The following NRTN variants were observed in gnomAD, a reference collection of about 807,000 sequenced individuals.
The protein encoded by NRTN is neurturin.
Under a neutral mutation model 7.5 loss-of-function variants are expected in NRTN, and 3 were observed. The ratio of observed to expected loss-of-function variants is 0.40; its 90% confidence interval spans 0.18 to 1.03. NRTN has a LOEUF of 1.03. Among genes scored for constraint, NRTN ranks in the 50% least tolerant of loss-of-function variants. The pLI is 0.34. For missense variants in NRTN, 310 were observed against 307.0 expected (o/e 1.01, Z -0.07); for synonymous variants, 157 against 146.6 (o/e 1.07, Z -0.51).
At chr19:5,811,844 C>T (rs1030076759) in intron 1 of NRTN, among the ~76,000 whole-genome samples, 3 of 151,362 alleles carry the variant, frequency 2.0e-5, no homozygotes, top group Non-Finnish European at 4.4e-5. Context: ...AGCCACCGCA[C>T]CCGGCCCAGT....
intron 1 of NRTN, among the ~76,000 whole-genome samples, chr19:5,814,294 G>A (rs542538987): frequency 3.3e-4 from 51 of 152,320 alleles, no homozygotes; most frequent in African/African-American, 1.2e-3. Context: ...CATGGCTGGG[G>A]GTGGCCAAGA....
chr19:5,824,243 C>A lies in NRTN; in HGVS notation c.78C>A (p.Gly26=). Residue 26 remains glycine, a synonymous_variant, in exon 2 of 3, where the codon GGC becomes GGA. Coordinates refer to ENST00000303212, the MANE Select transcript of NRTN (RefSeq NM_004558.5). ...TGTCCATCTGGATGTGTCGAGAGGG[C>A]CTGCTTCTCAGCCACCGCCTCGGAC... The part of the protein sequence containing the change: ...SVLSIWMCRE[G]LLLSHRLGPA... 6.2e-7 allele frequency: 1 copy of A among 1,612,306 alleles called. No homozygotes were observed.
At chr19:5,810,580 G>A (rs2056987062) in intron 1 of NRTN, among the ~76,000 whole-genome samples, 1 of 152,084 alleles carries the variant, frequency 6.6e-6, no homozygotes. Flanking sequence ...CTAAATAATG[G>A]AATAGCCAAC....
rs192855697 is a variant in NRTN at position 5,813,221 on chromosome 19, T to A, written c.-399+7770T>A. On this transcript the variant is annotated intron_variant, in intron 1 of 2. Transcript: ENST00000303212. ...GAGACTTTGTCTCTATTAAAAAAAATTTTTTTTAATTTAAAAAAAAAAACA... is the reference window on the plus strand; with the variant it reads ...GAGACTTTGTCTCTATTAAAAAAAAATTTTTTTAATTTAAAAAAAAAAACA... Among the ~76,000 whole-genome samples, 532 of 150,926 alleles carry A rather than the reference T, an allele frequency of 3.5e-3. 3 individuals carry two copies. Among genetic ancestry groups the A allele is most frequent in the African/African-American group, 0.012 (486 of 41,144 alleles).
intron 1 of NRTN, among the ~76,000 whole-genome samples, chr19:5,814,135 A>G (rs553680882): frequency 8.5e-5 from 13 of 152,266 alleles, no homozygotes; most frequent in Admixed American, 6.5e-4. Context: ...ATCTGCAGCA[A>G]GCTCACCCCT....
At chr19:5,813,761 A>G (rs1468956810) in intron 1 of NRTN, among the ~76,000 whole-genome samples, 1 of 151,732 alleles carries the variant, frequency 6.6e-6, no homozygotes, top group Non-Finnish European at 1.5e-5. Flanking sequence ...AATCGCTTGA[A>G]CTCGGGAGCC....
intron 1 of NRTN, among the ~76,000 whole-genome samples, chr19:5,820,502 G>C (rs1398286514): frequency 1.2e-4 from 18 of 149,770 alleles, no homozygotes; most frequent in African/African-American, 4.4e-4. Context: ...GGAGGCGGAG[G>C]TTGCAGTGAG....
At chr19:5,815,429 T>A (rs939585220) in intron 1 of NRTN, among the ~76,000 whole-genome samples, 2 of 146,088 alleles carry the variant, frequency 1.4e-5, no homozygotes, top group African/African-American at 2.5e-5. Flanking sequence ...TGAGTGTGAT[T>A]TTTTTTTTTT....
Position 5,827,793 on chromosome 19 carries a change from G to A in NRTN, c.214G>A (p.Glu72Lys), listed in dbSNP as rs745382580. Residue 72 changes from glutamate (E) to lysine (K), a missense_variant, in exon 3 of 3, where the codon GAG becomes AAG. By Grantham distance (56) the Glu-to-Lys change is moderately conservative (BLOSUM62 1). Transcript: ENST00000303212. Reference sequence around the variant, plus strand: ...GGCCCCGGATGCGATGGAGCTGCGCGAGCTGACGCCCTGGGCTGGGCGGCC... The same window carrying A: ...GGCCCCGGATGCGATGGAGCTGCGCAAGCTGACGCCCTGGGCTGGGCGGCC... ...QGAPDAMELR[E>K]LTPWAGRPPG... The A allele has an allele frequency of 9.3e-5, 112 of 1,204,688 alleles. No individual in the cohort carries two copies. Among genetic ancestry groups the A allele is most frequent in the Non-Finnish European group, 1.1e-4 (107 of 968,902 alleles). The allele number at this position is 1,204,688 out of a possible 1,614,324, so 74.6% of individuals were successfully genotyped here.
chr19:5,808,486 GCA>G (rs1444438669), intron 1 of NRTN, among the ~76,000 whole-genome samples: 6 of 152,304 alleles, frequency 3.9e-5, no homozygotes, highest in Admixed American at 3.3e-4. Context: ...TAAGAAGCTG[GCA>G]CACACACGCT....
chr19:5,812,370 G>C (rs2056992977), intron 1 of NRTN, among the ~76,000 whole-genome samples: 1 of 152,152 alleles, frequency 6.6e-6, no homozygotes, highest in African/African-American at 2.4e-5. Context: ...AGTTCTAGCA[G>C]TTGGGCAGCA....
intron 1 of NRTN, among the ~76,000 whole-genome samples, chr19:5,816,570 C>G (rs112091285): frequency 0.014 from 2,066 of 151,954 alleles, 46 homozygotes; most frequent in African/African-American, 0.047. Context: ...TTAGTAGAGA[C>G]GGGGTTTCAC....
intron 1 of NRTN, among the ~76,000 whole-genome samples, chr19:5,813,680 G>GA (rs557383692): frequency 0.05 from 5,890 of 117,016 alleles, 325 homozygotes; most frequent in African/African-American, 0.14. Context: ...GACTCCGTCT[G>GA]AAAAAAAAAA....
In NRTN at chr19:5,828,234, G is replaced by A. The variant is rs2057057017; in HGVS notation, c.*61G>A. The A allele has an allele frequency of 2.6e-6, 4 of 1,511,696 alleles. No homozygotes were observed. The highest frequency in any genetic ancestry group is 2.6e-6 in the Non-Finnish European group (3 of 1,133,376). 93.6% of individuals were successfully genotyped at this position (1,511,696 alleles called of 1,614,324 possible). ...CCCGCCTCGACGGCACCACTGGCCG[G>A]CCCCGCGAAAGACTGCGCGTGCGTA... On this transcript the variant is annotated 3_prime_UTR_variant, in exon 3 of 3. Coordinates refer to ENST00000303212, the MANE Select transcript of NRTN (RefSeq NM_004558.5).
At chr19:5,809,648 G>A (rs566474620) in intron 1 of NRTN, among the ~76,000 whole-genome samples, 9 of 152,276 alleles carry the variant, frequency 5.9e-5, no homozygotes, top group South Asian at 2.1e-4. Flanking sequence ...CACAGTAGGC[G>A]CTCAATAAGT....
intron 1 of NRTN, among the ~76,000 whole-genome samples, chr19:5,808,457 G>C (rs2056980278): frequency 6.6e-6 from 1 of 152,176 alleles, no homozygotes; most frequent in Non-Finnish European, 1.5e-5. Context: ...CAGAGGGCCG[G>C]GGCCAGAAAT....
At chr19:5,817,890 C>T (rs2057010998) in intron 1 of NRTN, among the ~76,000 whole-genome samples, 1 of 152,284 alleles carries the variant, frequency 6.6e-6, no homozygotes, top group East Asian at 1.9e-4. Flanking sequence ...ACCTCTGCCT[C>T]CCGGGTTCAA....
intron 1 of NRTN, among the ~76,000 whole-genome samples, chr19:5,820,596 G>C (rs2057020812): frequency 6.7e-6 from 1 of 149,990 alleles, no homozygotes; most frequent in Non-Finnish European, 1.5e-5. Flanking sequence ...AGACATGGTG[G>C]CACATTCGTT....
rs150301024 is a variant in NRTN at position 5,814,163 on chromosome 19, A to G, written c.-399+8712A>G. Among the ~76,000 whole-genome samples the G allele has an allele frequency of 1.7e-3, 254 of 152,210 alleles. 1 individual carries two copies. Among genetic ancestry groups the G allele is most frequent in the African/African-American group, 5.9e-3 (244 of 41,542 alleles). On this transcript the variant is annotated intron_variant, in intron 1 of 2. Coordinates refer to ENST00000303212, the MANE Select transcript of NRTN (RefSeq NM_004558.5). Reference sequence around the variant, plus strand: ...TCACCCCTCTGTAAACTGAATTCTCAAAGTCAGCCCTGTGCCCTGCAAAAA... The same window carrying G: ...TCACCCCTCTGTAAACTGAATTCTCGAAGTCAGCCCTGTGCCCTGCAAAAA...
Sources: allele counts gnomAD v4.1 joint callset (sites outside exome capture counted in the v4.1 genomes callset), GRCh38; gene constraint gnomAD v4.1.1; transcripts MANE v1.5; gene names NCBI Gene and HGNC (gene_info 2026-07-23, HGNC 2026-07-21).